UBE2QL1: variants seen among roughly 807,000 people sequenced by gnomAD.
The protein encoded by UBE2QL1 is ubiquitin conjugating enzyme E2 QL1.
UBE2QL1 carries 5 observed loss-of-function variants against 12.6 expected under a neutral mutation model. That is an observed-to-expected ratio of 0.40 (90% CI 0.21 to 0.83). UBE2QL1 has a LOEUF of 0.83. Among genes scored for constraint, UBE2QL1 ranks in the 40% least tolerant of loss-of-function variants. The pLI is 0.37. For missense variants in UBE2QL1, 99 were observed against 222.6 expected (o/e 0.44, Z 3.53); for synonymous variants, 96 against 94.5 (o/e 1.02, Z -0.10).
At chr5:6,482,868 C>A (rs1193283684) in intron 1 of UBE2QL1, among the ~76,000 whole-genome samples, 1 of 152,196 alleles carries the variant, frequency 6.6e-6, no homozygotes, top group Non-Finnish European at 1.5e-5. Context: ...CCAGCTCCAG[C>A]GTCAGCAGGG....
In UBE2QL1 at chr5:6,495,423, C is replaced by T. The variant is rs1734649649; in HGVS notation, c.*4074C>T. Among the ~76,000 whole-genome samples the T allele has an allele frequency of 6.6e-6, 1 of 152,214 alleles. No individual in the cohort carries two copies. Among genetic ancestry groups the T allele is most frequent in the Admixed American group, 6.5e-5 (1 of 15,290 alleles). The stretch of plus-strand genomic sequence containing the variant: ...TGGAAGACCACTTAGCCTAATTTTA[C>T]ACCCTCTGCAGTGAAGGAGGCGAGC... On this transcript the variant is annotated 3_prime_UTR_variant, in exon 2 of 2. Transcript: ENST00000399816.
intron 1 of UBE2QL1, among the ~76,000 whole-genome samples, chr5:6,475,456 C>G (rs1181939136): frequency 6.6e-6 from 1 of 152,186 alleles, no homozygotes; most frequent in Non-Finnish European, 1.5e-5. Context: ...TCTTTGTCCC[C>G]TATTTCCTTG....
intron 1 of UBE2QL1, among the ~76,000 whole-genome samples, chr5:6,462,194 C>T (rs1046499181): frequency 1.1e-4 from 16 of 152,134 alleles, no homozygotes; most frequent in Non-Finnish European, 2.2e-4. Context: ...ACCTAGGACT[C>T]AAGACCCAGA....
rs1254957725 is a variant in UBE2QL1 at position 6,479,618 on chromosome 5, T to C, written c.355-11600T>C. Among the ~76,000 whole-genome samples the C allele has an allele frequency of 6.6e-6, 1 of 152,200 alleles. No individual in the cohort carries two copies. Among genetic ancestry groups the C allele is most frequent in the East Asian group, 1.9e-4 (1 of 5,204 alleles). ...CATTAAGACTTTCCAGAATCCTCTG[T>C]GAAGACAGCTGGAATGATCTCACAA... On this transcript the variant is annotated intron_variant, in intron 1 of 1. Transcript: ENST00000399816. This position sits in a 1 kb window ranked among gnomAD's most constrained non-coding sequence, Gnocchi z 4.2.
In UBE2QL1 at chr5:6,466,266, G is replaced by A. The variant is rs532000152; in HGVS notation, c.354+17019G>A. 2.1e-3 allele frequency among the ~76,000 whole-genome samples: 327 copies of A among 152,334 alleles called. 2 individuals carry two copies. Among genetic ancestry groups the A allele is most frequent in the Non-Finnish European group, 2.5e-3 (169 of 68,016 alleles). On this transcript the variant is annotated intron_variant, in intron 1 of 1. Coordinates refer to ENST00000399816, the MANE Select transcript of UBE2QL1 (RefSeq NM_001145161.3). ...CAGCACCAGGCAGCCATCATGGGGA[G>A]CGAACTGCTCAGCACTCAGGAAGTG...
intron 1 of UBE2QL1, among the ~76,000 whole-genome samples, chr5:6,487,188 G>T (rs1734482896): frequency 1.3e-5 from 2 of 152,224 alleles, no homozygotes; most frequent in Non-Finnish European, 2.9e-5. Context: ...GCCGAACTGG[G>T]GAGTTAAGTT....
chr5:6,449,275 C>A lies in UBE2QL1; in HGVS notation c.354+28C>A, dbSNP rs1739363747. ...AAGGCGAGCGCGCCGGGGCTGGGGGCGCGGGGCCGAGATCGGGTCTGCAGC... is the reference window on the plus strand; with the variant it reads ...AAGGCGAGCGCGCCGGGGCTGGGGGAGCGGGGCCGAGATCGGGTCTGCAGC... On this transcript the variant is annotated intron_variant, in intron 1 of 1. Transcript: ENST00000399816. 5 of 1,353,082 alleles carry A rather than the reference C, an allele frequency of 3.7e-6. No individual in the cohort carries two copies. The East Asian group carries it at 1.5e-4, about 42-fold the overall frequency. 83.8% of individuals were successfully genotyped at this position (1,353,082 alleles called of 1,614,324 possible).
chr5:6,450,263 C>G (rs1739387566), intron 1 of UBE2QL1, among the ~76,000 whole-genome samples: 1 of 152,120 alleles, frequency 6.6e-6, no homozygotes, highest in Non-Finnish European at 1.5e-5. Context: ...TTTATCAGGG[C>G]TAAAGATTTT....
Position 6,491,393 on chromosome 5 carries a change from A to G in UBE2QL1, c.*44A>G. Reference sequence around the variant, plus strand: ...GACGCTCGAGCGCCTGTCCACACACACACCAGTACCCTGACATCTCCTCAA... The same window carrying G: ...GACGCTCGAGCGCCTGTCCACACACGCACCAGTACCCTGACATCTCCTCAA... On this transcript the variant is annotated 3_prime_UTR_variant, in exon 2 of 2. Transcript: ENST00000399816. The G allele has an allele frequency of 4.6e-6, 7 of 1,514,154 alleles. No homozygotes were observed. Among genetic ancestry groups the G allele is most frequent in the Non-Finnish European group, 6.2e-6 (7 of 1,131,160 alleles). 93.8% of individuals were successfully genotyped at this position (1,514,154 alleles called of 1,614,324 possible).
At chr5:6,484,986 C>A (rs895943686) in intron 1 of UBE2QL1, among the ~76,000 whole-genome samples, 1 of 152,022 alleles carries the variant, frequency 6.6e-6, no homozygotes, top group Non-Finnish European at 1.5e-5. Context: ...AGGCTCACAT[C>A]GGTCCCTGCA....
intron 1 of UBE2QL1, among the ~76,000 whole-genome samples, chr5:6,467,567 T>A (rs1476577433): frequency 6.6e-6 from 1 of 152,180 alleles, no homozygotes; most frequent in Admixed American, 6.5e-5. Flanking sequence ...CCAAATACAG[T>A]CTCGTTCTGA....
intron 1 of UBE2QL1, among the ~76,000 whole-genome samples, chr5:6,458,601 G>T (rs1181636615): frequency 1.3e-5 from 2 of 152,176 alleles, no homozygotes; most frequent in Non-Finnish European, 2.9e-5. Context: ...TGCCCATATT[G>T]CTTCCCGTAA....
intron 1 of UBE2QL1, among the ~76,000 whole-genome samples, chr5:6,480,930 C>T (rs1579299649): frequency 6.6e-6 from 1 of 152,172 alleles, no homozygotes; most frequent in African/African-American, 2.4e-5. Flanking sequence ...TCATAAACCT[C>T]TGGGGGTTAC....
At position 6,468,127 on chromosome 5, in the gene UBE2QL1, C is replaced by T. The variant is rs148799297; in HGVS notation, c.354+18880C>T. Among the ~76,000 whole-genome samples the T allele has an allele frequency of 1.1e-4, 16 of 152,314 alleles. No individual in the cohort carries two copies. The East Asian group carries it at 1.9e-3, about 18-fold the overall frequency. On this transcript the variant is annotated intron_variant, in intron 1 of 1. Coordinates refer to ENST00000399816, the MANE Select transcript of UBE2QL1 (RefSeq NM_001145161.3). ...TTTCACCGTCTCTATAAACCTCCCC[C>T]GTCCCTGTTCTCATGCTGCTCCTCT... is the stretch of plus-strand genomic sequence containing the variant.
At position 6,476,656 on chromosome 5, in the gene UBE2QL1, C is replaced by T. The variant is rs1042837262; in HGVS notation, c.355-14562C>T. Among the ~76,000 whole-genome samples, 3 of 152,280 alleles carry T rather than the reference C, an allele frequency of 2.0e-5. No homozygotes were observed. Among genetic ancestry groups the T allele is most frequent in the South Asian group, 2.1e-4 (1 of 4,824 alleles). ...GCTGCAGAAAGCAAAGCACACTCTGCGAATGCATGGCAGGTTTGGGGCAGT... is the reference window on the plus strand; with the variant it reads ...GCTGCAGAAAGCAAAGCACACTCTGTGAATGCATGGCAGGTTTGGGGCAGT... On this transcript the variant is annotated intron_variant, in intron 1 of 1. Transcript: ENST00000399816. This position sits in a 1 kb window ranked among gnomAD's most constrained non-coding sequence, Gnocchi z 4.9.
chr5:6,485,069 T>G (rs187452440), intron 1 of UBE2QL1, among the ~76,000 whole-genome samples: 1 of 152,176 alleles, frequency 6.6e-6, no homozygotes, highest in Non-Finnish European at 1.5e-5. Context: ...ACACGATACA[T>G]GTGTATAAGT....
At chr5:6,472,833 C>G (rs945276950) in intron 1 of UBE2QL1, among the ~76,000 whole-genome samples, 1 of 152,182 alleles carries the variant, frequency 6.6e-6, no homozygotes, top group African/African-American at 2.4e-5. Flanking sequence ...ACCATTTCCT[C>G]ACCGTCCCAT....
chr5:6,461,543 A>ACCCCCCCCC (rs71953375), intron 1 of UBE2QL1, among the ~76,000 whole-genome samples: 23 of 42,156 alleles, frequency 5.5e-4, no homozygotes, highest in Non-Finnish European at 6.4e-4. Flanking sequence ...AGCACCCACC[A>ACCCCCCCCC]CCCCCCCCCG....
In UBE2QL1 at chr5:6,453,709, GCACA is replaced by G. The variant is rs3073837; in HGVS notation, c.354+4483_354+4486del. ...GGGAAGCACAAGTGCACACACATGT[GCACA>G]CACACACACACACACACACAGAGAC... On this transcript the variant is annotated intron_variant, in intron 1 of 1. Coordinates refer to ENST00000399816, the MANE Select transcript of UBE2QL1 (RefSeq NM_001145161.3). Among the ~76,000 whole-genome samples, 480 of 150,368 alleles carry G rather than the reference GCACA, an allele frequency of 3.2e-3. 9 individuals are homozygous for G. The highest frequency in any genetic ancestry group is 0.03 in the South Asian group (141 of 4,702).
Sources: gnomAD v4.1 joint callset for allele counts (sites outside exome capture counted in the v4.1 genomes callset) on GRCh38, gnomAD v4.1.1 for gene constraint, Gnocchi (gnomAD v3.1) non-coding constraint, MANE v1.5 for transcripts, NCBI Gene and HGNC (gene_info 2026-07-23, HGNC 2026-07-21) for gene names.